SEM1: variants seen among roughly 807,000 people sequenced by gnomAD.
SEM1 encodes SEM1 26S proteasome subunit.
Under a neutral mutation model 12.7 loss-of-function variants are expected in SEM1, and 3 were observed. The observed-to-expected ratio is 0.24, with a 90% CI of 0.11 to 0.61. SEM1 has a LOEUF of 0.61. SEM1 is among the 20% of genes least tolerant of loss of function. The pLI is 0.88. For synonymous variants in SEM1, 30 were observed against 27.8 expected (o/e 1.08, Z -0.25); for missense variants, 59 against 81.3 (o/e 0.73, Z 1.06).
intron 2 of SEM1, among the ~76,000 whole-genome samples, chr7:96,596,759 T>G (rs905501220): frequency 6.6e-5 from 10 of 152,226 alleles, no homozygotes; most frequent in African/African-American, 9.6e-5. Context: ...TCCAGAGCTT[T>G]CTTTCTCTCT....
chr7:96,500,101 G>T (rs1478821003), upstream of SEM1, among the ~76,000 whole-genome samples: 1 of 151,936 alleles, frequency 6.6e-6, no homozygotes, highest in Non-Finnish European at 1.5e-5. Context: ...TGTCAGTCTG[G>T]CACCCCTTTG....
At chr7:96,536,454 G>T (rs1804787696) in intron 2 of SEM1, among the ~76,000 whole-genome samples, 1 of 151,682 alleles carries the variant, frequency 6.6e-6, no homozygotes, top group African/African-American at 2.4e-5. Flanking sequence ...TGCTGGTCAG[G>T]TCACATGATC....
At chr7:96,537,762 T>C (rs951935637) in intron 2 of SEM1, among the ~76,000 whole-genome samples, 1 of 151,840 alleles carries the variant, frequency 6.6e-6, no homozygotes, top group Non-Finnish European at 1.5e-5. Context: ...TTTTTTGGTT[T>C]GTTTTGTGTA....
At chr7:96,495,980 T>C (rs1171767299) in intron 1 of SEM1, among the ~76,000 whole-genome samples, 2 of 152,092 alleles carry the variant, frequency 1.3e-5, no homozygotes, top group African/African-American at 2.4e-5. Flanking sequence ...AGTAGGCATC[T>C]AGGAAAACAG....
At chr7:96,671,760 C>G (rs1789323933), downstream of SEM1, among the ~76,000 whole-genome samples, 1 of 152,174 alleles carries the variant, frequency 6.6e-6, no homozygotes, top group Non-Finnish European at 1.5e-5. Context: ...GCGGAGCATG[C>G]CTGGAGAGGA....
chr7:96,539,619 G>T (rs1046338481), intron 2 of SEM1, among the ~76,000 whole-genome samples: 2 of 151,678 alleles, frequency 1.3e-5, no homozygotes, highest in African/African-American at 4.8e-5. Flanking sequence ...TTGAAAAAAA[G>T]CCTTACTAAA....
intron 2 of SEM1, among the ~76,000 whole-genome samples, chr7:96,561,712 C>T (rs1289004699): frequency 1.3e-5 from 2 of 152,206 alleles, no homozygotes; most frequent in Admixed American, 6.5e-5. Context: ...CATTTCTATA[C>T]TCAGCTGAAG....
chr7:96,570,526 C>T (rs911009209), intron 2 of SEM1, among the ~76,000 whole-genome samples: 6 of 152,136 alleles, frequency 3.9e-5, no homozygotes, highest in Non-Finnish European at 1.5e-5. Flanking sequence ...GACATAAACT[C>T]ATCCTTTTTA....
rs190180467 is a variant in SEM1 at position 96,509,294 on chromosome 7, C to A, written c.171-2596G>T. Among the ~76,000 whole-genome samples the A allele has an allele frequency of 2.6e-3, 402 of 151,900 alleles. 2 individuals carry two copies. The highest frequency in any genetic ancestry group is 9.5e-3 in the African/African-American group (394 of 41,448). On this transcript the variant is annotated intron_variant and NMD_transcript_variant, in intron 2 of 3. Transcript: ENST00000466986. ...GTGCTGGGATTACAGGAGTGAGCCACCCCTCCCAATCAAGAGACGCAATCT... is the reference window on the plus strand; with the variant it reads ...GTGCTGGGATTACAGGAGTGAGCCAACCCTCCCAATCAAGAGACGCAATCT...
chr7:96,567,266 T>C (rs182844594), intron 2 of SEM1, among the ~76,000 whole-genome samples: 101 of 151,780 alleles, frequency 6.7e-4, no homozygotes, highest in African/African-American at 2.2e-3. Flanking sequence ...TCCCTTTATA[T>C]ATGTCTTGAA....
chr7:96,584,771 G>C lies in SEM1; in HGVS notation c.171-78073C>G, dbSNP rs184512240. On this transcript the variant is annotated intron_variant and NMD_transcript_variant, in intron 2 of 3. Coordinates refer to the SEM1 transcript ENST00000466986. The stretch of plus-strand genomic sequence containing the variant: ...CCAGTTGACCGCATTGGCTCCTGAG[G>C]CTTCTGCATTCTTCACATAGTTCTC... Among the ~76,000 whole-genome samples, 1,024 of 152,092 alleles carry C rather than the reference G, an allele frequency of 6.7e-3. 7 individuals carry two copies. Among genetic ancestry groups the C allele is most frequent in the African/African-American group, 0.024 (980 of 41,458 alleles).
chr7:96,684,840 T>A (rs539520185), downstream of SEM1, among the ~76,000 whole-genome samples: 66 of 152,136 alleles, frequency 4.3e-4, no homozygotes, highest in Admixed American at 7.9e-4. Context: ...AGATTTGGAA[T>A]CATACATGTG....
Position 96,640,805 on chromosome 7 carries a change from T to C in SEM1, c.171-18162A>G, listed in dbSNP as rs1324729659. On this transcript the variant is annotated intron_variant, in intron 2 of 2. Transcript: ENST00000417009. This position sits in a 1 kb window ranked among gnomAD's most constrained non-coding sequence, Gnocchi z 4.0. ...GGGATGCTATAAATGAGGGAGGCTA[T>C]GCATGTGTCGGGGGAGGAGGAGGAG... 6.6e-6 allele frequency among the ~76,000 whole-genome samples: 1 copy of C among 151,888 alleles called. No homozygotes were observed.
At chr7:96,546,438 A>C (rs973044967) in intron 2 of SEM1, among the ~76,000 whole-genome samples, 4 of 152,118 alleles carry the variant, frequency 2.6e-5, no homozygotes, top group African/African-American at 9.7e-5. Context: ...TCTTTGAAAA[A>C]TATTTATATA....
intron 2 of SEM1, among the ~76,000 whole-genome samples, chr7:96,543,325 C>G (rs1159234792): frequency 1.3e-5 from 2 of 151,914 alleles, no homozygotes; most frequent in Non-Finnish European, 2.9e-5. Flanking sequence ...TATGCAAATA[C>G]TACACTGTTT....
intron 2 of SEM1, among the ~76,000 whole-genome samples, chr7:96,554,972 GGTTT>G (rs1805432544): frequency 8.9e-6 from 1 of 112,916 alleles, no homozygotes; most frequent in African/African-American, 2.8e-5. Context: ...TAGATTTTCT[GGTTT>G]ATTTGCGTAG....
chr7:96,606,292 T>C (rs761741924), intron 2 of SEM1, among the ~76,000 whole-genome samples: 69 of 152,194 alleles, frequency 4.5e-4, no homozygotes, highest in Non-Finnish European at 5.7e-4. Context: ...AAGCCAACTT[T>C]AAGTAAACTA....
intron 1 of SEM1, among the ~76,000 whole-genome samples, chr7:96,490,392 G>T (rs1802958298): frequency 6.6e-6 from 1 of 152,132 alleles, no homozygotes; most frequent in Non-Finnish European, 1.5e-5. Context: ...CCTATAAAGA[G>T]CCCAGATTAC....
intron 2 of SEM1, 142 bp from the exon 3 acceptor site, chr7:96,689,108 T>TA: frequency 2.0e-6 from 1 of 506,406 alleles, no homozygotes; most frequent in South Asian, 3.7e-5. Flanking sequence ...CTTTTGTCTC[T>TA]GAAAAAAAAA....
Sources: allele counts gnomAD v4.1 joint callset (sites outside exome capture counted in the v4.1 genomes callset), GRCh38; gene constraint gnomAD v4.1.1; non-coding constraint Gnocchi (gnomAD v3.1); transcripts MANE v1.5; gene names NCBI Gene and HGNC (gene_info 2026-07-23, HGNC 2026-07-21).